Variants in RPN1 observed in about 807,000 individuals in gnomAD.
RPN1 encodes dolichyl-diphosphooligosaccharide--protein glycosyltransferase subunit 1.
Under a neutral mutation model 55.5 loss-of-function variants are expected in RPN1, and 12 were observed. The observed-to-expected ratio is 0.22, with a 90% CI of 0.14 to 0.35. The LOEUF (loss-of-function observed/expected upper bound fraction) is 0.35, where lower values mean the gene tolerates loss of function less well. RPN1 is among the 10% of genes least tolerant of loss of function. The pLI is 1.00. For synonymous variants in RPN1, 317 were observed against 305.9 expected (o/e 1.04, Z -0.38); for missense variants, 679 against 761.3 (o/e 0.89, Z 1.27).
At chr3:128,641,949 A>G (rs2069728771) in intron 2 of RPN1, among the ~76,000 whole-genome samples, 1 of 152,126 alleles carries the variant, frequency 6.6e-6, no homozygotes, top group South Asian at 2.1e-4. Context: ...TCAGGTAAAC[A>G]CTATTATTTT....
chr3:128,635,390 T>TC (rs1454381854), intron 3 of RPN1, among the ~76,000 whole-genome samples: 1 of 151,322 alleles, frequency 6.6e-6, no homozygotes, highest in Non-Finnish European at 1.5e-5. Flanking sequence ...AACCCCTACC[T>TC]CCTGGGTTCA....
At chr3:128,643,241 C>T (rs1485527375) in intron 2 of RPN1, among the ~76,000 whole-genome samples, 1 of 150,996 alleles carries the variant, frequency 6.6e-6, no homozygotes, top group African/African-American at 2.4e-5. Context: ...GCAGGAGAAT[C>T]GCTTGAACCT....
Position 128,626,786 on chromosome 3 carries a change from A to G in RPN1, c.1083T>C (p.Asp361=). The change falls in exon 6 of 10, where the codon GAT becomes GAC. Residue 361 remains aspartate (D), a synonymous_variant. Coordinates refer to ENST00000296255, the MANE Select transcript of RPN1 (RefSeq NM_002950.4). ...LKMRFVDHVF[D]EQVIDSLTVK... ...CAGTCAGAGAATCTATCACTTGTTC[A>G]TCAAACACATGGTCCACAAACCTCA... 1 of 1,614,190 alleles carries G rather than the reference A, an allele frequency of 6.2e-7. No homozygotes were observed.
chr3:128,622,580 G>A (rs2069568196), intron 8 of RPN1, among the ~76,000 whole-genome samples, 171 bp from the exon 9 acceptor site: 1 of 152,136 alleles, frequency 6.6e-6, no homozygotes, highest in Non-Finnish European at 1.5e-5. Context: ...GTTCAGCAAT[G>A]GGCAAAACTA....
chr3:128,639,212 G>C (rs2069706306), intron 2 of RPN1, among the ~76,000 whole-genome samples: 1 of 152,158 alleles, frequency 6.6e-6, no homozygotes, highest in Non-Finnish European at 1.5e-5. Flanking sequence ...CAGCACTTTG[G>C]GAGACCGAGA....
At chr3:128,629,276 C>T (rs2069624724) in intron 5 of RPN1, among the ~76,000 whole-genome samples, 1 of 152,016 alleles carries the variant, frequency 6.6e-6, no homozygotes, top group Non-Finnish European at 1.5e-5. Flanking sequence ...AAAAAAAAGA[C>T]TTGGCCGGGC....
chr3:128,639,409 G>A (rs552301233), intron 2 of RPN1, among the ~76,000 whole-genome samples: 11 of 149,434 alleles, frequency 7.4e-5, no homozygotes, highest in Admixed American at 3.3e-4. Context: ...CGCCGAGATC[G>A]TGCCACTGCA....
chr3:128,638,118 C>T lies in RPN1; in HGVS notation c.327-13G>A. 1 of 1,604,564 alleles carries T rather than the reference C, an allele frequency of 6.2e-7. No homozygotes were observed. The highest frequency in any genetic ancestry group is 1.3e-5 in the African/African-American group (1 of 74,792). On this transcript the variant is annotated splice_polypyrimidine_tract_variant and intron_variant, in intron 2 of 9. Coordinates refer to ENST00000296255, the MANE Select transcript of RPN1 (RefSeq NM_002950.4). ...GAAGAATCTCCCACTAAAGGAAGAA[C>T]AAGGCAAGAGAAGTAAGAGAGACTG...
At position 128,626,846 on chromosome 3, in the gene RPN1, C is replaced by T. The variant is rs1473908414; in HGVS notation, c.1037-14G>A. The T allele has an allele frequency of 8.1e-6, 13 of 1,608,756 alleles. No homozygotes were observed. The highest frequency in any genetic ancestry group is 1.1e-5 in the Non-Finnish European group (13 of 1,175,358). On this transcript the variant is annotated splice_polypyrimidine_tract_variant and intron_variant, in intron 5 of 9. Coordinates refer to ENST00000296255, the MANE Select transcript of RPN1 (RefSeq NM_002950.4). ...CATACTGGTCACCTGAAGGATCAAG[C>T]AAGCATAAGCAATGATGTGGAAAAC...
At chr3:128,621,427 G>A (rs1053975475) in intron 9 of RPN1, among the ~76,000 whole-genome samples, 2 of 152,158 alleles carry the variant, frequency 1.3e-5, no homozygotes, top group Non-Finnish European at 2.9e-5. Context: ...CCTGGAGGTG[G>A]GGCTTGCAGT....
At chr3:128,644,086 A>G (rs2069748682) in intron 2 of RPN1, among the ~76,000 whole-genome samples, 1 of 152,190 alleles carries the variant, frequency 6.6e-6, no homozygotes, top group Non-Finnish European at 1.5e-5. Flanking sequence ...GGGGTGAGAT[A>G]TCCAGGGGGA....
At chr3:128,642,892 C>A (rs1276285146) in intron 2 of RPN1, among the ~76,000 whole-genome samples, 6 of 151,960 alleles carry the variant, frequency 3.9e-5, no homozygotes, top group Non-Finnish European at 7.4e-5. Context: ...GTAGCACGCG[C>A]CTTAATCCCA....
At chr3:128,640,595 C>T (rs997004787) in intron 2 of RPN1, among the ~76,000 whole-genome samples, 2 of 152,218 alleles carry the variant, frequency 1.3e-5, no homozygotes, top group East Asian at 3.8e-4. Flanking sequence ...GACCACCCCA[C>T]ATGCAATTCA....
rs570925143 is a variant in RPN1 at position 128,639,389 on chromosome 3, G to A, written c.327-1284C>T. ...GAATGATGTGAACCCGGAAGGCGGAGCTTGCAGTGCGCCGAGATCGTGCCA... is the reference window on the plus strand; with the variant it reads ...GAATGATGTGAACCCGGAAGGCGGAACTTGCAGTGCGCCGAGATCGTGCCA... On this transcript the variant is annotated intron_variant, in intron 2 of 9. Coordinates refer to ENST00000296255, the MANE Select transcript of RPN1 (RefSeq NM_002950.4). Among the ~76,000 whole-genome samples the A allele has an allele frequency of 2.1e-4, 32 of 149,882 alleles. No individual in the cohort carries two copies. The South Asian group carries it at 6.6e-3, about 31-fold the overall frequency.
chr3:128,635,376 C>T (rs1009320636), intron 3 of RPN1, among the ~76,000 whole-genome samples: 1 of 151,400 alleles, frequency 6.6e-6, no homozygotes, highest in Non-Finnish European at 1.5e-5. Context: ...ACCTTGGCTA[C>T]CGCAACCCCT....
chr3:128,650,742 G>A lies in RPN1; in HGVS notation c.59C>T (p.Ala20Val), dbSNP rs1369138221. The change falls in exon 1 of 10, where the codon GCG (alanine) becomes GTG (valine). Residue 20 changes from alanine to valine, a missense_variant. This residue lies in a region of RPN1 where 352 missense variants were observed against 352.8 expected (regional missense o/e 1.00). Coordinates refer to ENST00000296255, the MANE Select transcript of RPN1 (RefSeq NM_002950.4). Reference protein sequence around the residue: ...LLLLLGTWAPAPGSASSEAPP... With the variant: ...LLLLLGTWAPVPGSASSEAPP... ...TGCCTCGGAGGAGGCGCTGCCCGGC[G>A]CCGGGGCCCAAGTCCCAAGCAACAG... 9.7e-6 allele frequency: 15 copies of A among 1,553,376 alleles called. No homozygotes were observed. In the South Asian group the frequency reaches 1.7e-4, roughly 17 times the overall value.
Position 128,620,390 on chromosome 3 carries a change from C to T in RPN1, c.*21G>A. The T allele has an allele frequency of 6.2e-7, 1 of 1,601,450 alleles. No individual in the cohort carries two copies. Among genetic ancestry groups the T allele is most frequent in the Non-Finnish European group, 8.5e-7 (1 of 1,171,200 alleles). ...AGCAAAGTGCAGGCACCCTGGGCCC[C>T]CTGGAGGATGCGGGCAGGGGCTACA... On this transcript the variant is annotated 3_prime_UTR_variant, in exon 10 of 10. Transcript: ENST00000296255.
At chr3:128,625,689 G>A in intron 7 of RPN1, 36 bp from the exon 8 acceptor site, 2 of 1,613,092 alleles carry the variant, frequency 1.2e-6, no homozygotes, top group East Asian at 4.5e-5. Context: ...CATCGGGGCT[G>A]TAGGGACATG....
chr3:128,645,549 T>C (rs907646626), intron 1 of RPN1, among the ~76,000 whole-genome samples: 2 of 151,418 alleles, frequency 1.3e-5, no homozygotes, highest in East Asian at 1.9e-4. Context: ...CTGGGTGTGG[T>C]AGCTCACACC....
Sources: allele counts gnomAD v4.1 joint callset (sites outside exome capture counted in the v4.1 genomes callset), GRCh38; gene constraint gnomAD v4.1.1; regional missense constraint gnomAD v4.1.1; transcripts MANE v1.5; gene names NCBI Gene and HGNC (gene_info 2026-07-23, HGNC 2026-07-21).